Variants in RNF180 observed in about 807,000 individuals in gnomAD.
The protein encoded by RNF180 is ring finger protein 180.
In RNF180, 38 loss-of-function variants were observed where a neutral mutation model predicts 59.2. The observed-to-expected ratio is 0.64, with a 90% CI of 0.50 to 0.84. RNF180 has a LOEUF of 0.84. Ranked by LOEUF, RNF180 falls within the 40% of genes least tolerant of loss-of-function variation. RNF180 has a pLI of 0.00. For synonymous variants in RNF180, 262 were observed against 240.3 expected, an observed-to-expected ratio of 1.09 and a Z score of -0.84; for missense variants, 705 against 700.9, an observed-to-expected ratio of 1.01 and a Z score of -0.07.
At chr5:64,260,391 A>T (rs1744262101) in intron 5 of RNF180, among the ~76,000 whole-genome samples, 1 of 152,224 alleles carries the variant, frequency 6.6e-6, no homozygotes, top group Non-Finnish European at 1.5e-5. Flanking sequence ...AGTTATTTGT[A>T]AAAGAATAGT....
chr5:64,263,262 C>T (rs765148964), intron 5 of RNF180, among the ~76,000 whole-genome samples: 1 of 152,164 alleles, frequency 6.6e-6, no homozygotes, highest in Non-Finnish European at 1.5e-5. Context: ...TCAATTAAAA[C>T]AGCAGTGTGC....
At chr5:64,346,752 T>C (rs1745577040) in intron 7 of RNF180, among the ~76,000 whole-genome samples, 1 of 152,098 alleles carries the variant, frequency 6.6e-6, no homozygotes, top group Admixed American at 6.6e-5. Context: ...TCAGTATCTC[T>C]GGAGATGGGT....
chr5:64,191,914 C>T (rs1035662426), intron 1 of RNF180, among the ~76,000 whole-genome samples: 13 of 152,144 alleles, frequency 8.5e-5, no homozygotes, highest in Non-Finnish European at 1.9e-4. Flanking sequence ...AGGAGTTTTA[C>T]AGGTTCAGAT....
At chr5:64,196,173 G>A (rs2112030690) in intron 1 of RNF180, among the ~76,000 whole-genome samples, 1 of 148,142 alleles carries the variant, frequency 6.8e-6, no homozygotes, top group East Asian at 1.9e-4. Flanking sequence ...ATGATGTCAT[G>A]TATTAACAGG....
At chr5:64,327,896 A>ATC (rs1173350604) in intron 6 of RNF180, among the ~76,000 whole-genome samples, 29 of 152,198 alleles carry the variant, frequency 1.9e-4, no homozygotes. Context: ...ATTGAGATCT[A>ATC]TCTCTCTCTC....
At chr5:64,242,951 G>C (rs1580091991) in intron 5 of RNF180, among the ~76,000 whole-genome samples, 1 of 152,338 alleles carries the variant, frequency 6.6e-6, no homozygotes, top group East Asian at 1.9e-4. Flanking sequence ...AGCCAAAGCA[G>C]GGTGGGGCAT....
chr5:64,212,986 T>G (rs993694879), intron 3 of RNF180, among the ~76,000 whole-genome samples: 1 of 152,250 alleles, frequency 6.6e-6, no homozygotes, highest in African/African-American at 2.4e-5. Context: ...GATATTTCAC[T>G]ATCTCAGTTG....
chr5:64,326,298 G>A (rs1483662411), intron 6 of RNF180, among the ~76,000 whole-genome samples: 1 of 151,846 alleles, frequency 6.6e-6, no homozygotes, highest in African/African-American at 2.4e-5. Flanking sequence ...ACCAAATATT[G>A]TACTACCAGA....
chr5:64,292,145 C>G (rs1020708743), intron 5 of RNF180, among the ~76,000 whole-genome samples: 1 of 152,138 alleles, frequency 6.6e-6, no homozygotes, highest in Non-Finnish European at 1.5e-5. Context: ...TCAGCCATCT[C>G]TGCCTCAGCC....
At chr5:64,309,921 G>A (rs1173674958) in intron 5 of RNF180, among the ~76,000 whole-genome samples, 6 of 151,568 alleles carry the variant, frequency 4.0e-5, no homozygotes, top group Non-Finnish European at 7.4e-5. Flanking sequence ...AACAGTCAAA[G>A]GAACAAAGGC....
At chr5:64,299,330 A>G (rs924661560) in intron 5 of RNF180, among the ~76,000 whole-genome samples, 1 of 151,924 alleles carries the variant, frequency 6.6e-6, no homozygotes. Context: ...ATGATTTATC[A>G]AAATAGTCAT....
At chr5:64,211,594 G>C (rs1752315819) in intron 2 of RNF180, among the ~76,000 whole-genome samples, 1 of 152,118 alleles carries the variant, frequency 6.6e-6, no homozygotes, top group Admixed American at 6.6e-5. Context: ...CTGTTTTGGG[G>C]TAGTGTGTCC....
At chr5:64,231,873 A>T (rs929246270) in intron 5 of RNF180, among the ~76,000 whole-genome samples, 3 of 152,252 alleles carry the variant, frequency 2.0e-5, no homozygotes, top group Admixed American at 6.5e-5. Context: ...ACAGATATTT[A>T]TGAGTCAAAG....
intron 2 of RNF180, among the ~76,000 whole-genome samples, chr5:64,209,176 G>A (rs1398912335): frequency 6.6e-6 from 1 of 151,958 alleles, no homozygotes; most frequent in Non-Finnish European, 1.5e-5. Flanking sequence ...AACGGTGCCT[G>A]TGCATAGTGA....
intron 1 of RNF180, among the ~76,000 whole-genome samples, chr5:64,200,534 G>A (rs1751689303): frequency 1.3e-5 from 2 of 152,132 alleles, no homozygotes; most frequent in African/African-American, 4.8e-5. Context: ...TTTAGTGAGA[G>A]ACAAATGAAA....
intron 5 of RNF180, among the ~76,000 whole-genome samples, chr5:64,251,008 C>G (rs1743538268): frequency 6.6e-6 from 1 of 152,132 alleles, no homozygotes; most frequent in Non-Finnish European, 1.5e-5. Context: ...AGATCATTCA[C>G]TATGATCAAA....
intron 5 of RNF180, among the ~76,000 whole-genome samples, chr5:64,315,753 AAG>A (rs1554042622): frequency 2.6e-5 from 4 of 151,840 alleles, no homozygotes; most frequent in African/African-American, 7.3e-5. Flanking sequence ...AAAAAAAAAA[AAG>A]ATTTTTTACT....
intron 1 of RNF180, among the ~76,000 whole-genome samples, chr5:64,197,009 A>C (rs1434290807): frequency 6.6e-6 from 1 of 152,140 alleles, no homozygotes; most frequent in Non-Finnish European, 1.5e-5. Context: ...ACCTCATCTC[A>C]AGTTTCAATT....
chr5:64,278,727 A>G (rs1741851918), intron 5 of RNF180, among the ~76,000 whole-genome samples: 1 of 152,194 alleles, frequency 6.6e-6, no homozygotes, highest in Non-Finnish European at 1.5e-5. Flanking sequence ...TTACCTTTGA[A>G]CATGTTATGC....
Sources: allele counts gnomAD v4.1 joint callset (sites outside exome capture counted in the v4.1 genomes callset), GRCh38; gene constraint gnomAD v4.1.1; transcripts MANE v1.5; gene names NCBI Gene and HGNC (gene_info 2026-07-23, HGNC 2026-07-21).